Variants in FGF12 observed in about 807,000 individuals in gnomAD.
The protein encoded by FGF12 is fibroblast growth factor 12.
Under a neutral mutation model 23.6 loss-of-function variants are expected in FGF12, and 14 were observed. The ratio of observed to expected loss-of-function variants is 0.59; its 90% CI spans 0.39 to 0.93. The LOEUF (loss-of-function observed/expected upper bound fraction) is 0.93, where lower values mean the gene tolerates loss of function less well. Ranked by LOEUF, FGF12 falls within the 40% of genes least tolerant of loss-of-function variation. The pLI is 0.00. For missense variants in FGF12, 175 were observed against 217.8 expected, an observed-to-expected ratio of 0.80 and a Z score of 1.24; for synonymous variants, 62 against 77.3, an observed-to-expected ratio of 0.80 and a Z score of 1.04.
chr3:192,418,899 T>C (rs921200489), intron 2 of FGF12, among the ~76,000 whole-genome samples: 3 of 152,174 alleles, frequency 2.0e-5, no homozygotes, highest in Admixed American at 6.5e-5. Flanking sequence ...CAGTTCTTTA[T>C]AGCAAGGCAA....
At chr3:192,275,870 T>A (rs193264416) in intron 4 of FGF12, among the ~76,000 whole-genome samples, 1 of 152,290 alleles carries the variant, frequency 6.6e-6, no homozygotes, top group African/African-American at 2.4e-5. Context: ...TAACTCCACA[T>A]TCCAACCTCC....
At chr3:192,309,334 A>G (rs1357931038) in intron 4 of FGF12, among the ~76,000 whole-genome samples, 1 of 152,202 alleles carries the variant, frequency 6.6e-6, no homozygotes. Flanking sequence ...AAGTGGCTAC[A>G]GTGAGGACAC....
intron 4 of FGF12, among the ~76,000 whole-genome samples, chr3:192,255,863 C>A (rs548353855): frequency 1.7e-4 from 26 of 152,078 alleles, no homozygotes; most frequent in Non-Finnish European, 3.7e-4. Context: ...ATGTCTTTCC[C>A]GAAGTTATAT....
intron 2 of FGF12, among the ~76,000 whole-genome samples, chr3:192,382,153 C>T (rs1187750197): frequency 6.6e-5 from 10 of 152,218 alleles, no homozygotes; most frequent in African/African-American, 9.6e-5. Flanking sequence ...TGTGCCAACA[C>T]GCCCAGCTAA....
chr3:192,549,271 G>C (rs993152311), intron 2 of FGF12, among the ~76,000 whole-genome samples: 1 of 152,098 alleles, frequency 6.6e-6, no homozygotes, highest in African/African-American at 2.4e-5. Flanking sequence ...GGCAAATGCA[G>C]TCATGATAAA....
intron 2 of FGF12, among the ~76,000 whole-genome samples, chr3:192,702,728 A>G (rs1718342483): frequency 6.6e-6 from 1 of 152,024 alleles, no homozygotes; most frequent in Non-Finnish European, 1.5e-5. Flanking sequence ...GGAGGAGGAG[A>G]TTGCAGTGAG....
chr3:192,671,758 A>G (rs1249823153), intron 2 of FGF12, among the ~76,000 whole-genome samples: 1 of 149,924 alleles, frequency 6.7e-6, no homozygotes, highest in African/African-American at 2.5e-5. Context: ...TCAATAAAGC[A>G]TCTTGTGCTT....
chr3:192,647,755 A>ATATACATACATG (rs1157090725), intron 2 of FGF12, among the ~76,000 whole-genome samples: 2 of 150,290 alleles, frequency 1.3e-5, no homozygotes, highest in East Asian at 3.9e-4. Context: ...ATATACACAT[A>ATATACATACATG]TATATATACA....
rs914152317 is a variant in FGF12 at position 192,360,866 on chromosome 3, C to G, written c.14-328G>C. 3.9e-5 allele frequency among the ~76,000 whole-genome samples: 6 copies of G among 152,032 alleles called. No homozygotes were observed. The highest frequency in any genetic ancestry group is 1.4e-4 in the African/African-American group (6 of 41,402). The stretch of plus-strand genomic sequence containing the variant: ...TGCAAGATTTCACCAACTTTATAGT[C>G]CCATTCCAGAATTATTGTTTAGGCC... On this transcript the variant is annotated intron_variant, in intron 2 of 5. Coordinates refer to ENST00000445105, the MANE Select transcript of FGF12 (RefSeq NM_004113.6). This position sits in a 1 kb window ranked among gnomAD's most constrained non-coding sequence, Gnocchi z 4.3.
intron 2 of FGF12, among the ~76,000 whole-genome samples, chr3:192,368,045 T>C (rs189353331): frequency 6.8e-4 from 104 of 152,294 alleles, no homozygotes; most frequent in African/African-American, 2.5e-3. Flanking sequence ...CAGTTATTCT[T>C]CTGGGCAAAA....
At chr3:192,380,931 T>C (rs1372830501) in intron 2 of FGF12, among the ~76,000 whole-genome samples, 2 of 149,846 alleles carry the variant, frequency 1.3e-5, no homozygotes, top group African/African-American at 2.4e-5. Flanking sequence ...TATATATTTA[T>C]ATACAGTATT....
At chr3:192,457,420 G>A (rs1197252613) in intron 2 of FGF12, among the ~76,000 whole-genome samples, 1 of 152,140 alleles carries the variant, frequency 6.6e-6, no homozygotes, top group African/African-American at 2.4e-5. Context: ...TGCTGATAGT[G>A]ATATGAACAA....
Position 192,336,108 on chromosome 3 carries a change from TACACACACAC to T in FGF12, c.125-654_125-645del, listed in dbSNP as rs34991386. On this transcript the variant is annotated intron_variant, in intron 3 of 5. Coordinates refer to ENST00000445105, the MANE Select transcript of FGF12 (RefSeq NM_004113.6). The surrounding 1 kb of genome is among the most constrained non-coding windows in gnomAD (Gnocchi z 4.3). ...ATATATTTTATATCCAGGTGGGAAA[TACACACACAC>T]ACACACACACACACACACATATACA... is the stretch of plus-strand genomic sequence containing the variant. Among the ~76,000 whole-genome samples the T allele has an allele frequency of 1.4e-5, 2 of 143,978 alleles. No homozygotes were observed. The highest frequency in any genetic ancestry group is 6.9e-5 in the Admixed American group (1 of 14,392). 94.5% of individuals were successfully genotyped at this position (143,978 alleles called of 152,430 possible). A position where few individuals can be genotyped will look rare whatever the true frequency, so the allele number is the denominator to read the frequency against.
At chr3:192,203,356 G>C (rs902792854) in intron 4 of FGF12, among the ~76,000 whole-genome samples, 2 of 152,064 alleles carry the variant, frequency 1.3e-5, no homozygotes, top group African/African-American at 4.8e-5. Context: ...ATGTGAAATT[G>C]ACTTGGGAGG....
At chr3:192,281,510 CTA>C (rs1489922501) in intron 4 of FGF12, among the ~76,000 whole-genome samples, 1 of 152,066 alleles carries the variant, frequency 6.6e-6, no homozygotes, top group Admixed American at 6.6e-5. Context: ...TTGGAGGACA[CTA>C]TTCATGTGTG....
At chr3:192,185,080 T>C (rs1227337573) in intron 4 of FGF12, among the ~76,000 whole-genome samples, 1 of 152,248 alleles carries the variant, frequency 6.6e-6, no homozygotes, top group Non-Finnish European at 1.5e-5. Flanking sequence ...CTCCTGGTCT[T>C]AAAGATCTAG....
chr3:192,669,715 T>C (rs1296239363), intron 2 of FGF12, among the ~76,000 whole-genome samples: 1 of 151,828 alleles, frequency 6.6e-6, no homozygotes, highest in Non-Finnish European at 1.5e-5. Context: ...TCCAATAATA[T>C]TAAATTGTTA....
intron 2 of FGF12, among the ~76,000 whole-genome samples, chr3:192,433,641 A>C (rs1162418250): frequency 1.3e-5 from 2 of 152,260 alleles, no homozygotes; most frequent in African/African-American, 4.8e-5. Flanking sequence ...GTGAAAGTTA[A>C]GAATTGTTAA....
chr3:192,286,667 C>A (rs961661436), intron 4 of FGF12, among the ~76,000 whole-genome samples: 1 of 152,004 alleles, frequency 6.6e-6, no homozygotes, highest in Non-Finnish European at 1.5e-5. Context: ...ATCCTTTTAT[C>A]TATTGTGTTA....
Sources: gnomAD v4.1 joint callset for allele counts (sites outside exome capture counted in the v4.1 genomes callset) on GRCh38, gnomAD v4.1.1 for gene constraint, Gnocchi (gnomAD v3.1) non-coding constraint, MANE v1.5 for transcripts, NCBI Gene and HGNC (gene_info 2026-07-23, HGNC 2026-07-21) for gene names.